Variants in CCDC178 observed in about 807,000 individuals in gnomAD.
CCDC178 encodes the protein coiled-coil domain containing 178.
A neutral mutation model predicts 117.4 loss-of-function variants in CCDC178; 126 were observed. That is an observed-to-expected ratio of 1.07 (90% CI 0.93 to 1.24). The LOEUF is 1.24. Ranked by LOEUF, CCDC178 falls within the 50% of genes most tolerant of loss-of-function variation. The probability of loss-of-function intolerance (pLI) is 0.00; values close to 1 mark genes in which losing one functional copy is unlikely to be tolerated. For missense variants in CCDC178, 1,030 were observed against 986.9 expected (o/e 1.04, Z -0.59); for synonymous variants, 283 against 313.4 (o/e 0.90, Z 1.02).
intron 12 of CCDC178, among the ~76,000 whole-genome samples, chr18:33,269,304 G>A (rs1295841880): frequency 2.0e-5 from 3 of 151,788 alleles, no homozygotes; most frequent in Non-Finnish European, 4.4e-5. Flanking sequence ...AGGGAAAGCT[G>A]GTGGAATTAC....
chr18:32,942,039 C>T (rs1198385486), intron 22 of CCDC178, among the ~76,000 whole-genome samples: 1 of 152,076 alleles, frequency 6.6e-6, no homozygotes, highest in Non-Finnish European at 1.5e-5. Flanking sequence ...TGCCATCCCA[C>T]CCAGTTGATC....
chr18:33,396,144 G>T (rs2063632840), intron 4 of CCDC178, among the ~76,000 whole-genome samples: 1 of 151,890 alleles, frequency 6.6e-6, no homozygotes, highest in South Asian at 2.1e-4. Flanking sequence ...TTAGAAAAAA[G>T]ATTTAGCCAA....
At chr18:33,391,726 C>T (rs1568196716) in intron 4 of CCDC178, among the ~76,000 whole-genome samples, 1 of 151,714 alleles carries the variant, frequency 6.6e-6, no homozygotes, top group Admixed American at 6.6e-5. Flanking sequence ...ACTTTGTAAA[C>T]AAATGTTAAT....
At chr18:33,399,983 C>G (rs966808738) in intron 3 of CCDC178, among the ~76,000 whole-genome samples, 5 of 152,098 alleles carry the variant, frequency 3.3e-5, no homozygotes, top group Admixed American at 6.5e-5. Flanking sequence ...CCTTGATCCA[C>G]AGGCTGCAGG....
At chr18:33,033,027 T>A (rs1003752510) in intron 21 of CCDC178, among the ~76,000 whole-genome samples, 1 of 152,122 alleles carries the variant, frequency 6.6e-6, no homozygotes, top group Non-Finnish European at 1.5e-5. Context: ...TTGCTCCCTG[T>A]TACTCTTCAC....
At chr18:32,983,254 A>G (rs1347163224) in intron 21 of CCDC178, 1 of 1,292,864 alleles carries the variant, frequency 7.7e-7, no homozygotes, top group Non-Finnish European at 1.1e-6. Flanking sequence ...ATGCACGTGT[A>G]TGCATGGATT....
At chr18:33,390,115 A>G (rs1195303180) in intron 4 of CCDC178, among the ~76,000 whole-genome samples, 1 of 150,614 alleles carries the variant, frequency 6.6e-6, no homozygotes, top group African/African-American at 2.4e-5. Flanking sequence ...ATGATTTATA[A>G]TTATAAATAA....
At chr18:32,998,311 C>T (rs9951132) in intron 21 of CCDC178, among the ~76,000 whole-genome samples, 81 of 152,284 alleles carry the variant, frequency 5.3e-4, no homozygotes, top group African/African-American at 1.9e-3. Flanking sequence ...TCATTTATCT[C>T]AGCAATCAGA....
chr18:33,215,436 C>A, intron 19 of CCDC178, 114 bp downstream of exon 19: 2 of 677,790 alleles, frequency 3.0e-6, no homozygotes, highest in Non-Finnish European at 2.2e-6. Flanking sequence ...TTCCACACTA[C>A]GTTATAATTA....
intron 21 of CCDC178, among the ~76,000 whole-genome samples, chr18:33,019,945 A>G (rs2144824233): frequency 6.9e-6 from 1 of 145,928 alleles, no homozygotes; most frequent in South Asian, 2.2e-4. Context: ...TATTATTATT[A>G]TTATTATTAT....
rs568277909 is a variant in CCDC178 at position 33,095,742 on chromosome 18, C to T, written c.2239-2832G>A. Among the ~76,000 whole-genome samples the T allele has an allele frequency of 1.0e-3, 155 of 151,684 alleles. 4 individuals are homozygous for T. The South Asian group carries it at 0.019, about 18-fold the overall frequency. ...ATTATAATATGGCACATTCATTATA[C>T]TATTTGATACTGTACTACTTGAGAG... On this transcript the variant is annotated intron_variant, in intron 20 of 22. Coordinates refer to ENST00000383096, the MANE Select transcript of CCDC178 (RefSeq NM_001105528.4).
chr18:33,089,508 G>A (rs1049380887), intron 21 of CCDC178, among the ~76,000 whole-genome samples: 4 of 152,124 alleles, frequency 2.6e-5, no homozygotes, highest in Admixed American at 6.5e-5. Context: ...TTTGTTACGT[G>A]TTGGCTGACT....
At chr18:33,089,546 G>T (rs941895579) in intron 21 of CCDC178, among the ~76,000 whole-genome samples, 15 of 152,116 alleles carry the variant, frequency 9.9e-5, no homozygotes, top group African/African-American at 2.9e-4. Flanking sequence ...CCCTTAGTTT[G>T]AAAGCACTGA....
chr18:32,938,914 T>G (rs2054177889), intron 22 of CCDC178, among the ~76,000 whole-genome samples: 2 of 152,308 alleles, frequency 1.3e-5, no homozygotes, highest in East Asian at 3.9e-4. Context: ...GCTCTGATTT[T>G]CAATATTGGT....
intron 12 of CCDC178, among the ~76,000 whole-genome samples, chr18:33,288,068 T>A (rs957332992): frequency 4.6e-5 from 7 of 152,118 alleles, no homozygotes; most frequent in Non-Finnish European, 7.4e-5. Flanking sequence ...TTTATAGTAA[T>A]CCCTGGGAAA....
chr18:33,174,230 C>A (rs1019886205), intron 20 of CCDC178, among the ~76,000 whole-genome samples: 10 of 152,072 alleles, frequency 6.6e-5, no homozygotes, highest in African/African-American at 2.4e-4. Context: ...TACTGACTGT[C>A]GCAAAGACAG....
At chr18:33,014,952 A>G (rs935465842) in intron 21 of CCDC178, among the ~76,000 whole-genome samples, 1 of 152,158 alleles carries the variant, frequency 6.6e-6, no homozygotes, top group Non-Finnish European at 1.5e-5. Flanking sequence ...AAAGTATAAA[A>G]CATGGAAAGA....
chr18:33,392,021 G>A (rs898850073), intron 4 of CCDC178, among the ~76,000 whole-genome samples: 2 of 151,938 alleles, frequency 1.3e-5, no homozygotes, highest in East Asian at 1.9e-4. Context: ...GCGCCACCAT[G>A]CCTGGCTAAT....
intron 16 of CCDC178, among the ~76,000 whole-genome samples, chr18:33,225,736 G>A (rs1286831849): frequency 6.6e-6 from 1 of 152,000 alleles, no homozygotes; most frequent in African/African-American, 2.4e-5. Flanking sequence ...AATAAATGAG[G>A]AAGTTTAGTG....
Sources: gnomAD v4.1 joint callset for allele counts (sites outside exome capture counted in the v4.1 genomes callset) on GRCh38, gnomAD v4.1.1 for gene constraint, MANE v1.5 for transcripts, NCBI Gene and HGNC (gene_info 2026-07-23, HGNC 2026-07-21) for gene names.